FGF20: variants seen among roughly 807,000 people sequenced by gnomAD.
FGF20 encodes fibroblast growth factor 20.
A neutral mutation model predicts 16.7 loss-of-function variants in FGF20; 8 were observed. The observed-to-expected ratio is 0.48, with a 90% confidence interval of 0.28 to 0.87. The LOEUF (loss-of-function observed/expected upper bound fraction) is 0.87, where lower values mean the gene tolerates loss of function less well. FGF20 is among the 40% of genes least tolerant of loss of function. The pLI is 0.10. For synonymous variants in FGF20, 161 were observed against 118.6 expected (o/e 1.36, Z -2.32); for missense variants, 397 against 281.4 (o/e 1.41, Z -2.94).
Position 16,993,093 on chromosome 8 carries a change from C to G in FGF20, c.615G>C (p.Lys205Asn). The G allele has an allele frequency of 6.2e-7, 1 of 1,613,970 alleles. No homozygotes were observed. Among genetic ancestry groups the G allele is most frequent in the Non-Finnish European group, 8.5e-7 (1 of 1,179,934 alleles). Residue 205 changes from lysine (K) to asparagine (N), a missense_variant, in exon 3 of 3, where the codon AAG becomes AAC. Lys to Asn is a moderately conservative substitution (Grantham distance 94, BLOSUM62 0). Coordinates refer to ENST00000180166, the MANE Select transcript of FGF20 (RefSeq NM_019851.3). Reference protein sequence around the residue: ...VDPERVPELYKDLLMYT With the variant: ...VDPERVPELYNDLLMYT ...CACTTCAAGTGTACATCAGTAGGTC[C>G]TTGTACAATTCTGGAACTCTTTCTG...
rs1809936203 is a variant in FGF20, at chr8:16,992,473, T to A, written c.*599A>T. The A allele has an allele frequency of 6.6e-6, 1 of 151,606 alleles. No individual in the cohort carries two copies. Among genetic ancestry groups the A allele is most frequent in the Middle Eastern group, 3.2e-3 (1 of 316 alleles). 9.4% of individuals were successfully genotyped at this position (151,606 alleles called of 1,614,324 possible). ...CTTCATATCCCAGTAAAAAATAAAC[T>A]CTTTAATAAATAAATATATATAATA... On this transcript the variant is annotated 3_prime_UTR_variant, in exon 3 of 3. Coordinates refer to ENST00000180166, the MANE Select transcript of FGF20 (RefSeq NM_019851.3).
chr8:16,995,666 G>C lies in FGF20; in HGVS notation c.379C>G (p.Leu127Val). 6.5e-7 allele frequency: 1 copy of C among 1,539,796 alleles called. No homozygotes were observed. The highest frequency in any genetic ancestry group is 2.3e-5 in the East Asian group (1 of 44,412). ...AAAATAATACGTACTGATCCATAGA[G>C]TTCTCCTTTGTCATTCATTCCAAGA... The part of the protein sequence containing the change: ...LYLGMNDKGE[L>V]YGSEKLTSEC... Residue 127 changes from leucine to valine, a missense_variant, in exon 2 of 3, where the codon CTC becomes GTC. Leu to Val is a conservative substitution (Grantham distance 32). Transcript: ENST00000180166.
At chr8:16,993,459 G>C in intron 2 of FGF20, 142 bp from the exon 3 acceptor site, 1 of 839,262 alleles carries the variant, frequency 1.2e-6, no homozygotes. Flanking sequence ...TTTTGTTTTA[G>C]TTCATATGTC....
intron 1 of FGF20, among the ~76,000 whole-genome samples, chr8:16,999,188 C>T (rs915076160): frequency 1.3e-5 from 2 of 152,190 alleles, no homozygotes; most frequent in African/African-American, 4.8e-5. Context: ...TCTGGGTTAT[C>T]TTCCTTTTGT....
Position 16,992,613 on chromosome 8 carries a change from T to C in FGF20, c.*459A>G. 1 of 152,274 alleles carries C rather than the reference T, an allele frequency of 6.6e-6. No individual in the cohort carries two copies. The highest frequency in any genetic ancestry group is 1.9e-4 in the East Asian group (1 of 5,206). 9.4% of individuals were successfully genotyped at this position (152,274 alleles called of 1,614,324 possible). ...CCCAGGTGTTGTTTAGTTTTTTTTT[T>C]TCTTAAAACATATAATGCCATAACC... On this transcript the variant is annotated 3_prime_UTR_variant, in exon 3 of 3. Coordinates refer to ENST00000180166, the MANE Select transcript of FGF20 (RefSeq NM_019851.3).
At chr8:16,994,014 C>CAAT (rs1809983160) in intron 2 of FGF20, among the ~76,000 whole-genome samples, 1 of 152,092 alleles carries the variant, frequency 6.6e-6, no homozygotes, top group African/African-American at 2.4e-5. Flanking sequence ...GGCCACAGAC[C>CAAT]AATACCAGTC....
intron 2 of FGF20, 105 bp from the exon 3 acceptor site, chr8:16,993,422 GA>G (rs1809964609): frequency 2.5e-6 from 3 of 1,185,216 alleles, no homozygotes; most frequent in East Asian, 2.4e-5. Flanking sequence ...GTCAAAGAAA[GA>G]AAAAGGTTAA....
At position 17,002,252 on chromosome 8, in the gene FGF20, T is replaced by A; in HGVS notation, c.-220A>T. 2.1e-6 allele frequency: 1 copy of A among 475,646 alleles called. No individual in the cohort carries two copies. The highest frequency in any genetic ancestry group is 3.6e-6 in the Non-Finnish European group (1 of 278,726). 29.5% of individuals were successfully genotyped at this position (475,646 alleles called of 1,614,324 possible). On this transcript the variant is annotated 5_prime_UTR_variant, in exon 1 of 3. Coordinates refer to ENST00000180166, the MANE Select transcript of FGF20 (RefSeq NM_019851.3). ...CCTTGGGTAGGTGGGAGCCGGCTGC[T>A]GGCTCTGCAGAAATATCTATAGCTG...
Position 16,992,619 on chromosome 8 carries a change from A to G in FGF20, c.*453T>C, listed in dbSNP as rs1307171925. The G allele has an allele frequency of 6.6e-6, 1 of 151,936 alleles. No homozygotes were observed. Among genetic ancestry groups the G allele is most frequent in the Non-Finnish European group, 1.5e-5 (1 of 68,198 alleles). 9.4% of individuals were successfully genotyped at this position (151,936 alleles called of 1,614,324 possible). On this transcript the variant is annotated 3_prime_UTR_variant, in exon 3 of 3. Transcript: ENST00000180166. ...TGTTGTTTAGTTTTTTTTTTTCTTAAAACATATAATGCCATAACCTGTGAA... is the reference window on the plus strand; with the variant it reads ...TGTTGTTTAGTTTTTTTTTTTCTTAGAACATATAATGCCATAACCTGTGAA...
chr8:16,998,002 A>C (rs1276443031), intron 1 of FGF20, among the ~76,000 whole-genome samples: 1 of 152,222 alleles, frequency 6.6e-6, no homozygotes, highest in Non-Finnish European at 1.5e-5. Context: ...CTTTCAAAGA[A>C]CAGGAACTGA....
intron 1 of FGF20, among the ~76,000 whole-genome samples, chr8:16,996,874 C>A (rs944650073): frequency 6.6e-6 from 1 of 152,182 alleles, no homozygotes; most frequent in South Asian, 2.1e-4. Flanking sequence ...TAGCCCTAAT[C>A]CACTGTTTCT....
intron 1 of FGF20, among the ~76,000 whole-genome samples, chr8:17,000,266 G>C (rs1810151463): frequency 6.6e-6 from 1 of 152,306 alleles, no homozygotes; most frequent in East Asian, 1.9e-4. Flanking sequence ...ATTTGGAAGA[G>C]ATCAGTGGAA....
At chr8:16,995,999 C>T (rs912716894) in intron 1 of FGF20, among the ~76,000 whole-genome samples, 1 of 152,104 alleles carries the variant, frequency 6.6e-6, no homozygotes, top group Non-Finnish European at 1.5e-5. Flanking sequence ...AAGGGGTTCC[C>T]AGAGAACCTC....
In FGF20 at chr8:17,001,896, C is replaced by T. The variant is rs1034419442; in HGVS notation, c.137G>A (p.Arg46Gln). 71 of 1,442,570 alleles carry T rather than the reference C, an allele frequency of 4.9e-5. No homozygotes were observed. The highest frequency in any genetic ancestry group is 5.8e-5 in the South Asian group (4 of 69,540). The allele number at this position is 1,442,570 out of a possible 1,614,324, so 89.4% of individuals were successfully genotyped here. A position where few individuals can be genotyped will look rare whatever the true frequency, so the allele number is the denominator to read the frequency against. ...LLGERRSAAE[R>Q]SARGGPGAAQ... ...AGCCCCCGGCCCGCCGCGCGCGCTC[C>T]GCTCCGCCGCGCTCCTGCGCTCGCC... The change falls in exon 1 of 3, where the codon CGG (arginine) becomes CAG (glutamine). Residue 46 changes from arginine to glutamine, a missense_variant. Coordinates refer to ENST00000180166, the MANE Select transcript of FGF20 (RefSeq NM_019851.3).
rs1367860839 is a variant in FGF20 at position 17,001,693 on chromosome 8, C to G, written c.286+54G>C. ...AAGAGGGAGGTGCAAGGGGAGGGAA[C>G]GAGGAGCCGAGCTGGGGCGCAGATG... On this transcript the variant is annotated intron_variant, in intron 1 of 2. Coordinates refer to ENST00000180166, the MANE Select transcript of FGF20 (RefSeq NM_019851.3). 6 of 1,496,922 alleles carry G rather than the reference C, an allele frequency of 4.0e-6. No individual in the cohort carries two copies. The South Asian group carries it at 7.8e-5, about 19-fold the overall frequency. The allele number at this position is 1,496,922 out of a possible 1,614,324, so 92.7% of individuals were successfully genotyped here.
chr8:17,001,597 G>T (rs1751653011), intron 1 of FGF20, 150 bp downstream of exon 1: 3 of 873,302 alleles, frequency 3.4e-6, no homozygotes, highest in Non-Finnish European at 3.1e-6. Flanking sequence ...TTCAGCCCCA[G>T]CCTGCGTCTT....
chr8:16,993,696 A>G (rs184535478), intron 2 of FGF20, among the ~76,000 whole-genome samples: 289 of 152,280 alleles, frequency 1.9e-3, no homozygotes, highest in African/African-American at 6.5e-3. Context: ...ACAACTCATC[A>G]TAATATAGAA....
chr8:17,001,085 C>T (rs1202770801), intron 1 of FGF20, among the ~76,000 whole-genome samples: 2 of 120,112 alleles, frequency 1.7e-5, no homozygotes, highest in African/African-American at 6.7e-5. Context: ...CCACATAGAA[C>T]TTAGGAGCTG....
chr8:17,001,022 G>T (rs1244923487), intron 1 of FGF20, among the ~76,000 whole-genome samples: 2 of 151,974 alleles, frequency 1.3e-5, no homozygotes, highest in Non-Finnish European at 2.9e-5. Context: ...CTCAGTAGCC[G>T]GGTGGTCTTC....
Sources: gnomAD v4.1 joint callset for allele counts (sites outside exome capture counted in the v4.1 genomes callset) on GRCh38, gnomAD v4.1.1 for gene constraint, MANE v1.5 for transcripts, NCBI Gene and HGNC (gene_info 2026-07-23, HGNC 2026-07-21) for gene names.